THSD7B: variants seen among roughly 807,000 people sequenced by gnomAD.
The protein encoded by THSD7B is thrombospondin type-1 domain-containing protein 7B.
Under a neutral mutation model 213.6 loss-of-function variants are expected in THSD7B, and 138 were observed. That is an observed-to-expected ratio of 0.65 (90% CI 0.56 to 0.74). THSD7B has a LOEUF of 0.74. Ranked by LOEUF, THSD7B falls within the 30% of genes least tolerant of loss-of-function variation. The pLI is 0.00. For synonymous variants in THSD7B, 742 were observed against 687.0 expected (o/e 1.08, Z -1.25); for missense variants, 1,931 against 1,991.5 (o/e 0.97, Z 0.58).
At chr2:137,578,827 A>T (rs975188966) in intron 17 of THSD7B, among the ~76,000 whole-genome samples, 1 of 152,146 alleles carries the variant, frequency 6.6e-6, no homozygotes, top group African/African-American at 2.4e-5. Context: ...TTCTGGCTAT[A>T]TAGGTGTTTT....
chr2:136,814,021 G>A (rs1399982658), intron 1 of THSD7B, among the ~76,000 whole-genome samples: 1 of 152,154 alleles, frequency 6.6e-6, no homozygotes, highest in Non-Finnish European at 1.5e-5. Context: ...AGGCTCTCCT[G>A]ATTTCCAATA....
At chr2:137,177,925 G>C (rs1312730093) in intron 7 of THSD7B, among the ~76,000 whole-genome samples, 1 of 151,978 alleles carries the variant, frequency 6.6e-6, no homozygotes, top group Non-Finnish European at 1.5e-5. Context: ...ACAGAAATTA[G>C]CTGGGCATGG....
At chr2:137,011,595 G>T (rs1686231845) in intron 2 of THSD7B, among the ~76,000 whole-genome samples, 1 of 152,170 alleles carries the variant, frequency 6.6e-6, no homozygotes, top group African/African-American at 2.4e-5. Context: ...GAAAAGCACT[G>T]TCTCACAGGA....
intron 4 of THSD7B, among the ~76,000 whole-genome samples, chr2:137,096,718 G>A (rs924593275): frequency 1.3e-5 from 2 of 152,104 alleles, no homozygotes; most frequent in Non-Finnish European, 2.9e-5. Flanking sequence ...TTTTAACATT[G>A]AAATACCTGG....
At chr2:136,819,789 G>T (rs1682540806) in intron 1 of THSD7B, among the ~76,000 whole-genome samples, 1 of 152,050 alleles carries the variant, frequency 6.6e-6, no homozygotes, top group Non-Finnish European at 1.5e-5. Flanking sequence ...CATTTTAGAA[G>T]TGTAGGGAGT....
chr2:137,057,699 T>G (rs1687197754), intron 3 of THSD7B, among the ~76,000 whole-genome samples: 1 of 152,240 alleles, frequency 6.6e-6, no homozygotes, highest in African/African-American at 2.4e-5. Context: ...TTATCAACAT[T>G]CTTTGACATC....
intron 2 of THSD7B, among the ~76,000 whole-genome samples, chr2:137,021,274 G>A (rs1301773653): frequency 2.0e-5 from 3 of 152,142 alleles, no homozygotes; most frequent in Admixed American, 1.3e-4. Context: ...GAAATGTTAC[G>A]AGTATGAGAA....
intron 20 of THSD7B, among the ~76,000 whole-genome samples, chr2:137,625,395 A>G (rs1434237627): frequency 1.3e-5 from 2 of 152,018 alleles, no homozygotes; most frequent in Admixed American, 6.5e-5. Flanking sequence ...TAATGGGTGC[A>G]GCACACCAAC....
intron 15 of THSD7B, among the ~76,000 whole-genome samples, chr2:137,523,415 A>G (rs1008176894): frequency 1.3e-5 from 2 of 152,102 alleles, no homozygotes; most frequent in Non-Finnish European, 2.9e-5. Context: ...CCAATCCCAC[A>G]TTTTCTTGGG....
At chr2:137,089,355 T>TGTGTGTATATGTATATGTATATATACTA (rs1404729526) in intron 3 of THSD7B, among the ~76,000 whole-genome samples, 19 of 149,334 alleles carry the variant, frequency 1.3e-4, no homozygotes, top group African/African-American at 4.5e-4. Context: ...TACATATATG[T>TGTGTGTATATGTATATGTATATATACTA]GTGTGTATAT....
chr2:137,056,385 C>A, intron 2 of THSD7B, 35 bp from the exon 3 acceptor site: 1 of 1,571,516 alleles, frequency 6.4e-7, no homozygotes, highest in South Asian at 1.2e-5. Flanking sequence ...AATGTAATCT[C>A]TGAGTAATTA....
At chr2:137,008,552 A>G (rs1219118701) in intron 2 of THSD7B, among the ~76,000 whole-genome samples, 1 of 152,162 alleles carries the variant, frequency 6.6e-6, no homozygotes, top group Non-Finnish European at 1.5e-5. Flanking sequence ...GCTCTCTTAT[A>G]ATAAGATTAA....
chr2:137,530,057 G>A (rs1037875368), intron 15 of THSD7B, among the ~76,000 whole-genome samples: 5 of 151,934 alleles, frequency 3.3e-5, no homozygotes, highest in African/African-American at 9.7e-5. Flanking sequence ...ACATCTGGGC[G>A]AATTAGAACT....
chr2:136,886,654 C>G (rs886937569), intron 2 of THSD7B, among the ~76,000 whole-genome samples: 4 of 152,146 alleles, frequency 2.6e-5, no homozygotes, highest in Non-Finnish European at 4.4e-5. Context: ...CCCAAAGAAT[C>G]TCAACAGTGC....
At chr2:137,099,137 G>A (rs890703400) in intron 4 of THSD7B, among the ~76,000 whole-genome samples, 7 of 152,078 alleles carry the variant, frequency 4.6e-5, no homozygotes, top group African/African-American at 1.7e-4. Flanking sequence ...ATGAGAGAGA[G>A]GATAAATTTG....
At chr2:137,239,059 A>T (rs1472266045) in intron 9 of THSD7B, among the ~76,000 whole-genome samples, 1 of 152,220 alleles carries the variant, frequency 6.6e-6, no homozygotes, top group African/African-American at 2.4e-5. Context: ...GTAAAATAAT[A>T]GAGGGACTGA....
In THSD7B at chr2:136,844,426, C is replaced by A. The variant is rs76761027; in HGVS notation, c.-35-37718C>A. 6.7e-3 allele frequency among the ~76,000 whole-genome samples: 995 copies of A among 148,836 alleles called. 20 individuals are homozygous for A. The East Asian group carries it at 0.085, about 13-fold the overall frequency. ...ATCTACCTAGGGCAAGATTTTTCAGCAAAAGCTGGCACCAAGGAGGAGAGG... is the reference window on the plus strand; with the variant it reads ...ATCTACCTAGGGCAAGATTTTTCAGAAAAAGCTGGCACCAAGGAGGAGAGG... On this transcript the variant is annotated intron_variant, in intron 1 of 27. Transcript: ENST00000409968.
At chr2:137,617,010 A>G (rs1682399636) in intron 18 of THSD7B, among the ~76,000 whole-genome samples, 1 of 151,056 alleles carries the variant, frequency 6.6e-6, no homozygotes, top group Admixed American at 6.6e-5. Context: ...TGCAGAGGCA[A>G]AGCAATTGCC....
chr2:137,004,013 C>G (rs1016204444), intron 2 of THSD7B, among the ~76,000 whole-genome samples: 2 of 152,102 alleles, frequency 1.3e-5, no homozygotes, highest in Non-Finnish European at 2.9e-5. Context: ...TTCACCCTCC[C>G]CTGTTGCTTC....
Sources: allele counts gnomAD v4.1 joint callset (sites outside exome capture counted in the v4.1 genomes callset), GRCh38; gene constraint gnomAD v4.1.1; transcripts MANE v1.5; gene names NCBI Gene and HGNC (gene_info 2026-07-23, HGNC 2026-07-21).